Variants in QSOX2 observed in about 807,000 individuals in gnomAD.
QSOX2 encodes quiescin sulfhydryl oxidase 2.
A neutral mutation model predicts 61.7 loss-of-function variants in QSOX2; 46 were observed. That is an observed-to-expected ratio of 0.75 (90% CI 0.59 to 0.95). The LOEUF (loss-of-function observed/expected upper bound fraction) is 0.95. QSOX2 is among the 40% of genes least tolerant of loss of function. The pLI is 0.00. For synonymous variants in QSOX2, 383 were observed against 388.4 expected (o/e 0.99, Z 0.16); for missense variants, 879 against 918.9 (o/e 0.96, Z 0.56).
intron 1 of QSOX2, among the ~76,000 whole-genome samples, chr9:136,231,961 C>T (rs1297539479): frequency 6.6e-6 from 1 of 150,700 alleles, no homozygotes; most frequent in Non-Finnish European, 1.5e-5. Context: ...GCCAGGCTCT[C>T]CCAGCGAAGA....
At chr9:136,215,893 G>C (rs1222580651) in intron 9 of QSOX2, among the ~76,000 whole-genome samples, 1 of 152,242 alleles carries the variant, frequency 6.6e-6, no homozygotes, top group Non-Finnish European at 1.5e-5. Context: ...AGTCACGTGA[G>C]AGTGCTCCCA....
At chr9:136,230,124 C>T (rs917594965) in intron 1 of QSOX2, among the ~76,000 whole-genome samples, 1 of 151,906 alleles carries the variant, frequency 6.6e-6, no homozygotes, top group Admixed American at 6.6e-5. Context: ...ACTAAAAATA[C>T]AAAAATTAGC....
Position 136,209,336 on chromosome 9 carries a change from C to A in QSOX2, c.1550-61G>T. ...GGAGGCTTTGTGCAGCCACGTGCAG[C>A]GTGCGGCAACCGGACTCCCACTCCC... On this transcript the variant is annotated intron_variant, in intron 11 of 11. Transcript: ENST00000358701. This position sits in a 1 kb window ranked among gnomAD's most constrained non-coding sequence, Gnocchi z 5.6. The A allele has an allele frequency of 6.4e-7, 1 of 1,561,356 alleles. No homozygotes were observed. Among genetic ancestry groups the A allele is most frequent in the Non-Finnish European group, 8.7e-7 (1 of 1,151,596 alleles).
rs368982159 is a variant in QSOX2, at chr9:136,219,283, G to C, written c.822-119C>G. 4.7e-6 allele frequency: 6 copies of C among 1,273,614 alleles called. No individual in the cohort carries two copies. In the East Asian group the frequency reaches 1.5e-4, roughly 32 times the overall value. The allele number at this position is 1,273,614 out of a possible 1,614,324, so 78.9% of individuals were successfully genotyped here. Reference sequence around the variant, plus strand: ...TTTCATCCTTTGGGCATTTATTGGGGCATGGGAGTCAGTGGGAACAGCTGA... The same window carrying C: ...TTTCATCCTTTGGGCATTTATTGGGCCATGGGAGTCAGTGGGAACAGCTGA... On this transcript the variant is annotated intron_variant, in intron 6 of 11. Transcript: ENST00000358701.
chr9:136,224,167 G>C, intron 3 of QSOX2, 55 bp from the exon 4 acceptor site: 1 of 1,412,718 alleles, frequency 7.1e-7, no homozygotes, highest in Non-Finnish European at 9.9e-7. Flanking sequence ...TCGTGGGGCA[G>C]GCATACACCC....
intron 1 of QSOX2, among the ~76,000 whole-genome samples, chr9:136,236,632 G>A (rs995597635): frequency 5.3e-5 from 8 of 152,240 alleles, no homozygotes; most frequent in African/African-American, 1.4e-4. Flanking sequence ...ATAAAATACC[G>A]GGTGAATTCC....
At chr9:136,234,490 C>T (rs779566903) in intron 1 of QSOX2, among the ~76,000 whole-genome samples, 5 of 152,312 alleles carry the variant, frequency 3.3e-5, no homozygotes, top group Middle Eastern at 3.4e-3. Flanking sequence ...TCCAGCTCAG[C>T]GTTGACAACG....
At chr9:136,236,243 G>A (rs12343300) in intron 1 of QSOX2, among the ~76,000 whole-genome samples, 4,050 of 152,356 alleles carry the variant, frequency 0.027, 154 homozygotes, top group African/African-American at 0.086. Flanking sequence ...TGGGGCACCC[G>A]GAGACAGGAC....
intron 8 of QSOX2, among the ~76,000 whole-genome samples, chr9:136,217,732 A>G (rs1335884650): frequency 6.6e-6 from 1 of 152,152 alleles, no homozygotes; most frequent in Admixed American, 6.5e-5. Flanking sequence ...CCAGCGAATT[A>G]GCTGGCCGGC....
chr9:136,228,114 T>C (rs189937213), intron 1 of QSOX2, among the ~76,000 whole-genome samples: 1 of 152,312 alleles, frequency 6.6e-6, no homozygotes, highest in Admixed American at 6.5e-5. Flanking sequence ...CACTCAGATC[T>C]AGATTCTTGT....
intron 10 of QSOX2, among the ~76,000 whole-genome samples, chr9:136,212,413 C>G (rs559182037): frequency 6.6e-6 from 1 of 152,370 alleles, no homozygotes; most frequent in East Asian, 1.9e-4. Context: ...CGCGTGAGTG[C>G]AGGCCTGACG....
chr9:136,239,654 C>T (rs1283793812), intron 1 of QSOX2, among the ~76,000 whole-genome samples: 2 of 152,268 alleles, frequency 1.3e-5, no homozygotes, highest in Non-Finnish European at 2.9e-5. Context: ...GGGGCAGCAC[C>T]TCGACCTGCC....
At chr9:136,237,226 C>A (rs1830392971) in intron 1 of QSOX2, among the ~76,000 whole-genome samples, 1 of 142,788 alleles carries the variant, frequency 7.0e-6, no homozygotes, top group African/African-American at 2.6e-5. Flanking sequence ...TCACTTGGAG[C>A]CTGTCCTGTG....
intron 11 of QSOX2, chr9:136,210,273 T>A (rs958574117): frequency 1.0e-6 from 1 of 985,352 alleles, no homozygotes; most frequent in Admixed American, 6.1e-5. Context: ...TGGGTCTCAA[T>A]GCACAGGCTG....
Position 136,209,456 on chromosome 9 carries a change from A to G in QSOX2, c.1550-181T>C. The G allele has an allele frequency of 1.0e-6, 1 of 985,372 alleles. No homozygotes were observed. The highest frequency in any genetic ancestry group is 1.2e-6 in the Non-Finnish European group (1 of 829,902). The allele number at this position is 985,372 out of a possible 1,614,324, so 61.0% of individuals were successfully genotyped here. A position where few individuals can be genotyped will look rare whatever the true frequency, so the allele number is the denominator to read the frequency against. On this transcript the variant is annotated intron_variant, in intron 11 of 11. Transcript: ENST00000358701. This position sits in a 1 kb window ranked among gnomAD's most constrained non-coding sequence, Gnocchi z 5.6. The stretch of plus-strand genomic sequence containing the variant: ...CCGTCCCTTGCAGTTCGGCCCAGAT[A>G]ACATCCTGCTTCTGCAGGCCCCTGC...
Position 136,209,539 on chromosome 9 carries a change from C to A in QSOX2, c.1550-264G>T. The A allele has an allele frequency of 1.0e-6, 1 of 985,386 alleles. No individual in the cohort carries two copies. Among genetic ancestry groups the A allele is most frequent in the Non-Finnish European group, 1.2e-6 (1 of 829,904 alleles). The allele number at this position is 985,386 out of a possible 1,614,324, so 61.0% of individuals were successfully genotyped here. ...TGCAAGTGAGGAGACGCTACACGCT[C>A]GGCCTCCGCCACTTCCCAGACCACA... On this transcript the variant is annotated intron_variant, in intron 11 of 11. Coordinates refer to ENST00000358701, the MANE Select transcript of QSOX2 (RefSeq NM_181701.4). This position sits in a 1 kb window ranked among gnomAD's most constrained non-coding sequence, Gnocchi z 5.6.
At chr9:136,228,708 G>A (rs766195096) in intron 1 of QSOX2, among the ~76,000 whole-genome samples, 4 of 152,256 alleles carry the variant, frequency 2.6e-5, no homozygotes, top group Non-Finnish European at 5.9e-5. Flanking sequence ...GAGGAATGGA[G>A]CCAGCCACGT....
At position 136,222,571 on chromosome 9, in the gene QSOX2, C is replaced by T. The variant is rs1009450198; in HGVS notation, c.676-630G>A. ...CTGGCTAAAGGTGTGAACTGGGCGC[C>T]CCGCGTGGCCGTGCCTCTCCTGAGC... On this transcript the variant is annotated intron_variant, in intron 5 of 11. Coordinates refer to ENST00000358701, the MANE Select transcript of QSOX2 (RefSeq NM_181701.4). This position sits in a 1 kb window ranked among gnomAD's most constrained non-coding sequence, Gnocchi z 6.9. Among the ~76,000 whole-genome samples the T allele has an allele frequency of 1.3e-5, 2 of 152,322 alleles. No homozygotes were observed. The highest frequency in any genetic ancestry group is 3.9e-4 in the East Asian group (2 of 5,176).
rs113494868 is a variant in QSOX2 at position 136,214,162 on chromosome 9, C to T, written c.1360+992G>A. On this transcript the variant is annotated intron_variant, in intron 10 of 11. Coordinates refer to ENST00000358701, the MANE Select transcript of QSOX2 (RefSeq NM_181701.4). Reference sequence around the variant, plus strand: ...TGGGAAGCACACACACAACAAAATTCAGGGGGGATAAAAAATCCAATACAT... The same window carrying T: ...TGGGAAGCACACACACAACAAAATTTAGGGGGGATAAAAAATCCAATACAT... Among the ~76,000 whole-genome samples the T allele has an allele frequency of 5.9e-3, 906 of 152,324 alleles. 8 individuals carry two copies. Among genetic ancestry groups the T allele is most frequent in the African/African-American group, 0.02 (847 of 41,564 alleles).
Sources: allele counts gnomAD v4.1 joint callset (sites outside exome capture counted in the v4.1 genomes callset), GRCh38; gene constraint gnomAD v4.1.1; non-coding constraint Gnocchi (gnomAD v3.1); transcripts MANE v1.5; gene names NCBI Gene and HGNC (gene_info 2026-07-23, HGNC 2026-07-21).